The following OR3A2 variants were observed in gnomAD, a reference collection of about 807,000 sequenced individuals.
OR3A2 encodes the protein olfactory receptor family 3 subfamily A member 2.
For synonymous variants in OR3A2, 126 were observed against 159.3 expected (o/e 0.79, Z 1.57); for missense variants, 318 against 392.8 (o/e 0.81, Z 1.61).
At chr17:3,325,434 T>C (rs1163285200) in intron 3 of OR3A2, among the ~76,000 whole-genome samples, 3 of 152,014 alleles carry the variant, frequency 2.0e-5, no homozygotes, top group Non-Finnish European at 4.4e-5. Flanking sequence ...GGTCTCAAAC[T>C]CCTGACCTCA....
intron 2 of OR3A2, among the ~76,000 whole-genome samples, chr17:3,350,276 AG>A (rs1311174457): frequency 6.6e-6 from 1 of 152,118 alleles, no homozygotes; most frequent in East Asian, 1.9e-4. Flanking sequence ...CAAAATTGAT[AG>A]CCTGCTAGCA....
intron 2 of OR3A2, among the ~76,000 whole-genome samples, chr17:3,365,964 T>A (rs2049559351): frequency 1.3e-5 from 2 of 152,214 alleles, no homozygotes; most frequent in Non-Finnish European, 2.9e-5. Context: ...TTCTTGAGAA[T>A]AGGAAGTCCT....
intron 2 of OR3A2, among the ~76,000 whole-genome samples, chr17:3,367,601 G>GTATATATATTTTATA (rs1555530076): frequency 1.6e-5 from 2 of 122,522 alleles, no homozygotes; most frequent in African/African-American, 7.1e-5. Context: ...GTGTGTGTGT[G>GTATATATATTTTATA]TATATATATA....
chr17:3,345,783 G>C (rs995608685), intron 2 of OR3A2, among the ~76,000 whole-genome samples: 1 of 152,086 alleles, frequency 6.6e-6, no homozygotes, highest in Non-Finnish European at 1.5e-5. Flanking sequence ...ATGGGGATGA[G>C]GGAGCACCAG....
intron 3 of OR3A2, among the ~76,000 whole-genome samples, chr17:3,322,179 T>G (rs2049129577): frequency 6.6e-6 from 1 of 152,214 alleles, no homozygotes; most frequent in African/African-American, 2.4e-5. Context: ...TATAGTATTC[T>G]CTGATGGTAG....
At chr17:3,308,201 C>G (rs1009411401) in intron 3 of OR3A2, among the ~76,000 whole-genome samples, 3 of 152,152 alleles carry the variant, frequency 2.0e-5, no homozygotes, top group Non-Finnish European at 4.4e-5. Flanking sequence ...GTTCTGGCTC[C>G]CCCTGGAAGG....
chr17:3,326,339 CA>C, intron 3 of OR3A2, among the ~76,000 whole-genome samples: 1 of 151,974 alleles, frequency 6.6e-6, no homozygotes, highest in South Asian at 2.1e-4. Context: ...TGTAAAACCC[CA>C]AACTATAAAA....
chr17:3,362,804 C>T (rs548505523), intron 2 of OR3A2, among the ~76,000 whole-genome samples: 1 of 151,878 alleles, frequency 6.6e-6, no homozygotes, highest in East Asian at 1.9e-4. Context: ...TCCATACATC[C>T]TCTGAAATCT....
At chr17:3,303,743 C>CAAAAA (rs71153338) in intron 3 of OR3A2, among the ~76,000 whole-genome samples, 2 of 106,774 alleles carry the variant, frequency 1.9e-5, no homozygotes, top group African/African-American at 3.9e-5. Context: ...GACTTCATCT[C>CAAAAA]AAAAAAAAAA....
At chr17:3,342,206 CA>C (rs200232323) in intron 2 of OR3A2, among the ~76,000 whole-genome samples, 1,537 of 152,262 alleles carry the variant, frequency 0.01, 27 homozygotes, top group African/African-American at 0.034. Context: ...GCAATGGGTT[CA>C]AACACCCTCC....
intron 3 of OR3A2, among the ~76,000 whole-genome samples, chr17:3,289,760 T>A (rs2048848161): frequency 6.6e-6 from 1 of 152,190 alleles, no homozygotes; most frequent in African/African-American, 2.4e-5. Flanking sequence ...GTGTCGTGAA[T>A]GAGAGAAGGG....
intron 2 of OR3A2, among the ~76,000 whole-genome samples, chr17:3,364,679 G>A: frequency 6.6e-6 from 1 of 152,170 alleles, no homozygotes; most frequent in East Asian, 1.9e-4. Context: ...AACCAGTACA[G>A]CCATTTTGGA....
At chr17:3,309,274 C>T (rs989184586) in intron 3 of OR3A2, among the ~76,000 whole-genome samples, 2 of 152,132 alleles carry the variant, frequency 1.3e-5, no homozygotes, top group African/African-American at 4.8e-5. Flanking sequence ...TATATGTGGG[C>T]AGTTCATGGC....
Position 3,279,060 on chromosome 17 carries a change from ACCTCAATG to A in OR3A2, c.-6-145_-6-138del, listed in dbSNP as rs2048762165. 22 of 1,422,938 alleles carry A rather than the reference ACCTCAATG, an allele frequency of 1.5e-5. No homozygotes were observed. In the South Asian group the frequency reaches 3.0e-4, roughly 19 times the overall value. 88.1% of individuals were successfully genotyped at this position (1,422,938 alleles called of 1,614,324 possible). ...CCCTCACTCGTTGACCTCCTCCATCACCTCAATGCCTTTACCTTGCTCTTGGTTGACAT... is the reference window on the plus strand; with the variant it reads ...CCCTCACTCGTTGACCTCCTCCATCACCTTTACCTTGCTCTTGGTTGACAT... On this transcript the variant is annotated intron_variant, in intron 1 of 1. Coordinates refer to ENST00000642052, the Ensembl canonical transcript of OR3A2.
intron 3 of OR3A2, among the ~76,000 whole-genome samples, chr17:3,308,785 T>C (rs1377131916): frequency 6.6e-6 from 1 of 152,202 alleles, no homozygotes; most frequent in African/African-American, 2.4e-5. Context: ...AATATCTTCC[T>C]CTGCTCATGC....
At chr17:3,315,756 G>C (rs71360920) in intron 3 of OR3A2, among the ~76,000 whole-genome samples, 1,721 of 130,316 alleles carry the variant, frequency 0.013, 31 homozygotes, top group Middle Eastern at 0.054. Context: ...AAATATGGGG[G>C]GGGGGGCGGT....
At chr17:3,385,450 G>A (rs1245178894) in intron 1 of OR3A2, among the ~76,000 whole-genome samples, 1 of 145,868 alleles carries the variant, frequency 6.9e-6, no homozygotes, top group Non-Finnish European at 1.5e-5. Flanking sequence ...GATAGAGGAG[G>A]ATAGATAGAT....
chr17:3,365,776 C>A (rs2049557795), intron 2 of OR3A2, among the ~76,000 whole-genome samples: 1 of 152,166 alleles, frequency 6.6e-6, no homozygotes, highest in Admixed American at 6.5e-5. Context: ...GCAGAGGAAG[C>A]TGAAAAATAC....
chr17:3,357,323 T>C (rs2049471950), intron 2 of OR3A2, among the ~76,000 whole-genome samples: 1 of 151,596 alleles, frequency 6.6e-6, no homozygotes, highest in Non-Finnish European at 1.5e-5. Context: ...TATCACCTAA[T>C]CCTTGGTGCA....
Sources: allele counts gnomAD v4.1 joint callset (sites outside exome capture counted in the v4.1 genomes callset), GRCh38; gene constraint gnomAD v4.1.1; transcripts MANE v1.5; gene names NCBI Gene and HGNC (gene_info 2026-07-23, HGNC 2026-07-21).